Variants in UBE2Q2 observed in about 807,000 individuals in gnomAD.
UBE2Q2 encodes the protein ubiquitin-conjugating enzyme E2 Q2.
Under a neutral mutation model 59.9 loss-of-function variants are expected in UBE2Q2, and 54 were observed. The observed-to-expected ratio is 0.90, with a 90% CI of 0.72 to 1.13. The LOEUF is 1.13. UBE2Q2 is among the 50% of genes most tolerant of loss of function. UBE2Q2 has a pLI of 0.00. For missense variants in UBE2Q2, 433 were observed against 441.9 expected (o/e 0.98, Z 0.18); for synonymous variants, 165 against 155.2 (o/e 1.06, Z -0.47).
intron 7 of UBE2Q2, 96 bp downstream of exon 7, chr15:75,878,117 T>C: frequency 9.9e-7 from 1 of 1,008,920 alleles, no homozygotes. Flanking sequence ...ATACTATGGC[T>C]TTTACTTAGA....
chr15:75,850,963 T>G (rs1253219043), intron 1 of UBE2Q2, among the ~76,000 whole-genome samples: 2 of 152,250 alleles, frequency 1.3e-5, no homozygotes, highest in African/African-American at 4.8e-5. Context: ...TAGCACAGTC[T>G]TAAATTTTTT....
In UBE2Q2 at chr15:75,897,024, A is replaced by C; in HGVS notation, c.1059A>C (p.Gln353His). The C allele has an allele frequency of 6.4e-7, 1 of 1,573,980 alleles. No homozygotes were observed. Among genetic ancestry groups the C allele is most frequent in the East Asian group, 2.3e-5 (1 of 43,502 alleles). Residue 353 changes from glutamine to histidine, a missense_variant, in exon 12 of 13, where the codon CAA becomes CAC. Transcript: ENST00000267938. Reference protein sequence around the residue: ...KNQYNLARAQQSYNSIVQIHE... With the variant: ...KNQYNLARAQHSYNSIVQIHE... ...AATATAATCTAGCAAGAGCCCAACAATCCTATAATTCCATTGTACAGATAC... is the reference window on the plus strand; with the variant it reads ...AATATAATCTAGCAAGAGCCCAACACTCCTATAATTCCATTGTACAGATAC...
chr15:75,856,999 G>A (rs562861892), intron 2 of UBE2Q2, among the ~76,000 whole-genome samples: 22 of 151,994 alleles, frequency 1.4e-4, no homozygotes, highest in Non-Finnish European at 5.9e-5. Flanking sequence ...AGTGGTTCAT[G>A]CCTGTAATCC....
intron 5 of UBE2Q2, among the ~76,000 whole-genome samples, chr15:75,874,828 T>C (rs1387067400): frequency 6.6e-6 from 1 of 152,232 alleles, no homozygotes; most frequent in Non-Finnish European, 1.5e-5. Flanking sequence ...GTGTTAGAGC[T>C]ATTGACCAAC....
chr15:75,866,284 C>T (rs981550415), intron 3 of UBE2Q2, among the ~76,000 whole-genome samples: 5 of 152,078 alleles, frequency 3.3e-5, no homozygotes. Flanking sequence ...AGCAGTCCTC[C>T]CACCTCAGCC....
At chr15:75,850,406 C>G (rs1461598619) in intron 1 of UBE2Q2, among the ~76,000 whole-genome samples, 1 of 152,154 alleles carries the variant, frequency 6.6e-6, no homozygotes, top group Non-Finnish European at 1.5e-5. Flanking sequence ...CGTGTTATAA[C>G]TTACTCCTTA....
chr15:75,899,322 A>G (rs1899626162), intron 12 of UBE2Q2, 105 bp from the exon 13 acceptor site: 1 of 507,666 alleles, frequency 2.0e-6, no homozygotes, highest in Non-Finnish European at 3.0e-6. Context: ...GGTAGATTTT[A>G]AACACCAAAA....
intron 1 of UBE2Q2, among the ~76,000 whole-genome samples, chr15:75,851,997 C>T (rs773826598): frequency 6.6e-6 from 1 of 152,162 alleles, no homozygotes; most frequent in African/African-American, 2.4e-5. Flanking sequence ...CTCAGCCTCC[C>T]TAGTAGCTGG....
chr15:75,878,074 T>G, intron 7 of UBE2Q2, 53 bp downstream of exon 7: 1 of 1,503,190 alleles, frequency 6.7e-7, no homozygotes, highest in Non-Finnish European at 9.2e-7. Context: ...ACTATCACAG[T>G]GGAGGTTATT....
chr15:75,865,801 G>GTTTTT (rs1045734352), intron 3 of UBE2Q2, among the ~76,000 whole-genome samples: 1 of 139,104 alleles, frequency 7.2e-6, no homozygotes, highest in Non-Finnish European at 1.6e-5. Flanking sequence ...ATAATATCTG[G>GTTTTT]TTGTTTTTTT....
chr15:75,891,955 G>A lies in UBE2Q2; in HGVS notation c.1029+941G>A, dbSNP rs541006719. ...AGGGCAGCTTCTGACCTATTTCTAT[G>A]ATCAGGAAAGGCATCTGTCTTTCCC... On this transcript the variant is annotated intron_variant, in intron 11 of 12. Coordinates refer to ENST00000267938, the MANE Select transcript of UBE2Q2 (RefSeq NM_173469.4). 9.2e-5 allele frequency among the ~76,000 whole-genome samples: 14 copies of A among 152,238 alleles called. 1 individual carries two copies. The East Asian group carries it at 2.3e-3, about 25-fold the overall frequency.
intron 1 of UBE2Q2, among the ~76,000 whole-genome samples, chr15:75,853,635 A>C (rs923679662): frequency 3.9e-5 from 6 of 152,068 alleles, no homozygotes; most frequent in African/African-American, 1.4e-4. Flanking sequence ...CTCTGTAACA[A>C]ATTTATCAGC....
intron 11 of UBE2Q2, among the ~76,000 whole-genome samples, chr15:75,893,915 T>TC (rs1899249610): frequency 6.6e-6 from 1 of 152,164 alleles, no homozygotes; most frequent in African/African-American, 2.4e-5. Context: ...CTCCTCTCCC[T>TC]CCCTCTTCCT....
chr15:75,860,612 A>C (rs1045265076), intron 3 of UBE2Q2, among the ~76,000 whole-genome samples: 1 of 152,058 alleles, frequency 6.6e-6, no homozygotes, highest in Non-Finnish European at 1.5e-5. Context: ...AAGATAGGAT[A>C]TTTCCTTTCT....
chr15:75,895,515 GA>G (rs1187764174), intron 11 of UBE2Q2, among the ~76,000 whole-genome samples: 1 of 151,676 alleles, frequency 6.6e-6, no homozygotes, highest in Non-Finnish European at 1.5e-5. Flanking sequence ...CTTAGATGTT[GA>G]AAAAGACTAC....
intron 4 of UBE2Q2, among the ~76,000 whole-genome samples, chr15:75,871,891 A>G (rs1213753639): frequency 6.6e-6 from 1 of 152,216 alleles, no homozygotes; most frequent in Non-Finnish European, 1.5e-5. Flanking sequence ...GATAATGTTG[A>G]ATTCTGTTTG....
chr15:75,844,122 G>C, intron 1 of UBE2Q2: 2 of 1,415,500 alleles, frequency 1.4e-6, no homozygotes, highest in Non-Finnish European at 1.8e-6. Flanking sequence ...GCCCCGAGGG[G>C]GGAGTCCGCG....
intron 3 of UBE2Q2, among the ~76,000 whole-genome samples, chr15:75,863,593 A>G (rs1278838171): frequency 6.7e-6 from 1 of 149,214 alleles, no homozygotes; most frequent in Non-Finnish European, 1.5e-5. Context: ...TTACAGGCAC[A>G]TGTCACTACG....
At chr15:75,887,857 C>T (rs1173755897) in intron 9 of UBE2Q2, among the ~76,000 whole-genome samples, 1 of 152,114 alleles carries the variant, frequency 6.6e-6, no homozygotes, top group Non-Finnish European at 1.5e-5. Context: ...GAGGCAAAAT[C>T]AAAATGGCTT....
Sources: allele counts gnomAD v4.1 joint callset (sites outside exome capture counted in the v4.1 genomes callset), GRCh38; gene constraint gnomAD v4.1.1; transcripts MANE v1.5; gene names NCBI Gene and HGNC (gene_info 2026-07-23, HGNC 2026-07-21).